The following GALNT10 variants were observed in gnomAD, a reference collection of about 807,000 sequenced individuals.
GALNT10 encodes the protein GalNAc transferase 10.
A neutral mutation model predicts 75.0 loss-of-function variants in GALNT10; 41 were observed. That is an observed-to-expected ratio of 0.55 (90% CI 0.43 to 0.71). The LOEUF (loss-of-function observed/expected upper bound fraction) is 0.71. GALNT10 is among the 30% of genes least tolerant of loss of function. GALNT10 has a pLI of 0.00. For synonymous variants in GALNT10, 302 were observed against 313.0 expected (o/e 0.96, Z 0.37); for missense variants, 727 against 818.5 (o/e 0.89, Z 1.36).
intron 1 of GALNT10, among the ~76,000 whole-genome samples, chr5:154,240,300 C>T (rs1441256533): frequency 3.3e-5 from 5 of 152,064 alleles, no homozygotes; most frequent in East Asian, 1.9e-4. Flanking sequence ...TATAAAATGA[C>T]GATAATAAAA....
intron 1 of GALNT10, among the ~76,000 whole-genome samples, chr5:154,208,710 G>A (rs562272268): frequency 2.6e-5 from 4 of 152,130 alleles, no homozygotes; most frequent in African/African-American, 4.8e-5. Context: ...GGTTCAGTCA[G>A]GACAGAGAAA....
At chr5:154,224,543 C>CAGAA (rs1443175006) in intron 1 of GALNT10, among the ~76,000 whole-genome samples, 2 of 152,198 alleles carry the variant, frequency 1.3e-5, no homozygotes, top group Non-Finnish European at 2.9e-5. Flanking sequence ...CTGGAAAAGG[C>CAGAA]AGAAACTTTT....
At chr5:154,224,778 C>CTTTTTTTT (rs549615789) in intron 1 of GALNT10, among the ~76,000 whole-genome samples, 4 of 117,594 alleles carry the variant, frequency 3.4e-5, no homozygotes, top group African/African-American at 6.2e-5. Context: ...AAGCTCACTT[C>CTTTTTTTT]TTTTTTTTTT....
chr5:154,368,937 A>G (rs941349774), intron 4 of GALNT10, among the ~76,000 whole-genome samples: 1 of 152,258 alleles, frequency 6.6e-6, no homozygotes, highest in Non-Finnish European at 1.5e-5. Flanking sequence ...TGCATGGTTA[A>G]TAATAACAGC....
Position 154,416,781 on chromosome 5 carries a change from T to TG in GALNT10, c.1654-32dup. 6.4e-7 allele frequency: 1 copy of TG among 1,565,636 alleles called. No homozygotes were observed. Among genetic ancestry groups the TG allele is most frequent in the Non-Finnish European group, 8.8e-7 (1 of 1,136,342 alleles). On this transcript the variant is annotated intron_variant, in intron 11 of 11. Transcript: ENST00000297107. The surrounding 1 kb of genome is among the most constrained non-coding windows in gnomAD (Gnocchi z 4.5). ...GGTTTGACTGGCCACATGTCTCCAGTGCTGTCTGGCTTATTACCTCCATGT... is the reference window on the plus strand; with the variant it reads ...GGTTTGACTGGCCACATGTCTCCAGTGGCTGTCTGGCTTATTACCTCCATGT...
At chr5:154,308,576 GA>G (rs1177879559) in intron 3 of GALNT10, among the ~76,000 whole-genome samples, 20 of 152,220 alleles carry the variant, frequency 1.3e-4, no homozygotes, top group Non-Finnish European at 2.1e-4. Flanking sequence ...GCTGTTGGCA[GA>G]GCTGCTGCCT....
In GALNT10 at chr5:154,409,898, G is replaced by A. The variant is rs1476007222; in HGVS notation, c.1386+136G>A. On this transcript the variant is annotated intron_variant, in intron 9 of 11. Coordinates refer to ENST00000297107, the MANE Select transcript of GALNT10 (RefSeq NM_198321.4). This position sits in a 1 kb window ranked among gnomAD's most constrained non-coding sequence, Gnocchi z 4.5. Reference sequence around the variant, plus strand: ...ATAAAATCGTTTCCTTTCTTTCCTGGTCTCTCTCTAGCCTTGTCATGGTGT... The same window carrying A: ...ATAAAATCGTTTCCTTTCTTTCCTGATCTCTCTCTAGCCTTGTCATGGTGT... 1.2e-5 allele frequency: 8 copies of A among 650,786 alleles called. No individual in the cohort carries two copies. The African/African-American group carries it at 1.4e-4, about 12-fold the overall frequency. The allele number at this position is 650,786 out of a possible 1,614,324, so 40.3% of individuals were successfully genotyped here.
At chr5:154,194,262 G>T (rs1197854397) in intron 1 of GALNT10, among the ~76,000 whole-genome samples, 1 of 152,136 alleles carries the variant, frequency 6.6e-6, no homozygotes, top group Non-Finnish European at 1.5e-5. Flanking sequence ...TTGTGTTAGA[G>T]CTGAACTTTA....
In GALNT10 at chr5:154,254,510, CT is replaced by C. The variant is rs1162459433; in HGVS notation, c.160-40292del. ...GGTGTTTCTTTTCTTTATTTCTTTT[CT>C]TTTTTTTTTTTTTCTGTCTCCAGGT... On this transcript the variant is annotated intron_variant, in intron 1 of 11. Transcript: ENST00000297107. 1.7e-3 allele frequency among the ~76,000 whole-genome samples: 234 copies of C among 138,328 alleles called. 1 individual carries two copies. The highest frequency in any genetic ancestry group is 3.8e-3 in the Middle Eastern group (1 of 262). 90.7% of individuals were successfully genotyped at this position (138,328 alleles called of 152,430 possible).
Position 154,380,481 on chromosome 5 carries a change from GC to G in GALNT10, c.791del (p.Pro264ArgfsTer2). Reference sequence around the variant, plus strand: ...GCTCGGAACCGCAAGACCATTGTGTGCCCGATGATTGATGTAATTGACCATG... The same window carrying G: ...GCTCGGAACCGCAAGACCATTGTGTGCCGATGATTGATGTAATTGACCATG... ...RIARNRKTIV[C>X]PMIDVIDHDD... On this transcript the variant is annotated frameshift_variant, in exon 6 of 12. Coordinates refer to ENST00000297107, the MANE Select transcript of GALNT10 (RefSeq NM_198321.4). LOFTEE classifies it high-confidence loss of function. The G allele has an allele frequency of 6.2e-7, 1 of 1,614,102 alleles. No individual in the cohort carries two copies. The highest frequency in any genetic ancestry group is 1.3e-5 in the African/African-American group (1 of 75,036).
chr5:154,244,961 G>A (rs976258232), intron 1 of GALNT10, among the ~76,000 whole-genome samples: 1 of 152,182 alleles, frequency 6.6e-6, no homozygotes, highest in Non-Finnish European at 1.5e-5. Context: ...GATAGAGATT[G>A]GGGGTGCTGA....
intron 1 of GALNT10, among the ~76,000 whole-genome samples, chr5:154,290,161 G>C (rs530227665): frequency 6.7e-6 from 1 of 149,746 alleles, no homozygotes; most frequent in Non-Finnish European, 1.5e-5. Context: ...GCACAATCGC[G>C]GCTCACCACA....
chr5:154,408,330 A>C (rs1030286758), intron 8 of GALNT10, among the ~76,000 whole-genome samples: 11 of 152,210 alleles, frequency 7.2e-5, no homozygotes, highest in African/African-American at 2.7e-4. Flanking sequence ...TTAACCTTTC[A>C]GAGGAAATTT....
At position 154,198,541 on chromosome 5, in the gene GALNT10, A is replaced by C. The variant is rs1313402331; in HGVS notation, c.159+7516A>C. Among the ~76,000 whole-genome samples the C allele has an allele frequency of 3.9e-5, 6 of 152,358 alleles. No homozygotes were observed. The South Asian group carries it at 1.0e-3, about 26-fold the overall frequency. On this transcript the variant is annotated intron_variant, in intron 1 of 11. Coordinates refer to ENST00000297107, the MANE Select transcript of GALNT10 (RefSeq NM_198321.4). ...CACAGGGTTCAGAAGAACTGGAAGAAGCCAGGTGGGTGCAGTCTCTGATTA... is the reference window on the plus strand; with the variant it reads ...CACAGGGTTCAGAAGAACTGGAAGACGCCAGGTGGGTGCAGTCTCTGATTA...
intron 1 of GALNT10, among the ~76,000 whole-genome samples, chr5:154,252,788 C>T (rs1753544495): frequency 6.6e-6 from 1 of 151,622 alleles, no homozygotes; most frequent in Non-Finnish European, 1.5e-5. Context: ...ATATTTTTTC[C>T]TTATTACCTT....
intron 4 of GALNT10, among the ~76,000 whole-genome samples, chr5:154,344,536 A>G (rs915340691): frequency 3.3e-5 from 5 of 152,164 alleles, no homozygotes; most frequent in Non-Finnish European, 7.4e-5. Flanking sequence ...AGGTGGTGGT[A>G]GACTGAGTTC....
chr5:154,370,784 C>G (rs955154539), intron 4 of GALNT10, among the ~76,000 whole-genome samples: 3 of 152,150 alleles, frequency 2.0e-5, no homozygotes, highest in Non-Finnish European at 4.4e-5. Flanking sequence ...ATGCAATGTA[C>G]TGCTGCTTTT....
chr5:154,261,038 GA>G (rs1398199590), intron 1 of GALNT10, among the ~76,000 whole-genome samples: 1 of 149,634 alleles, frequency 6.7e-6, no homozygotes, highest in African/African-American at 2.4e-5. Flanking sequence ...AACTGCAAAG[GA>G]GTGTGAAATT....
At chr5:154,286,982 G>C (rs556099664) in intron 1 of GALNT10, among the ~76,000 whole-genome samples, 1 of 152,304 alleles carries the variant, frequency 6.6e-6, no homozygotes, top group East Asian at 1.9e-4. Context: ...TACTGAATAG[G>C]TGCTAGGGTT....
Sources: gnomAD v4.1 joint callset for allele counts (sites outside exome capture counted in the v4.1 genomes callset) on GRCh38, gnomAD v4.1.1 for gene constraint, Gnocchi (gnomAD v3.1) non-coding constraint, MANE v1.5 for transcripts, NCBI Gene and HGNC (gene_info 2026-07-23, HGNC 2026-07-21) for gene names.